The following CHRM1 variants were observed in gnomAD, a reference collection of about 807,000 sequenced individuals.
The protein encoded by CHRM1 is cholinergic receptor muscarinic 1.
CHRM1 carries 5 observed loss-of-function variants against 31.6 expected under a neutral mutation model. That is an observed-to-expected ratio of 0.16 (90% confidence interval 0.08 to 0.33). The LOEUF is 0.33. Among genes scored for constraint, CHRM1 ranks in the 10% least tolerant of loss-of-function variants. The pLI is 1.00. For synonymous variants in CHRM1, 227 were observed against 249.7 expected (o/e 0.91, Z 0.86); for missense variants, 338 against 610.3 (o/e 0.55, Z 4.70).
Position 62,909,457 on chromosome 11 carries a change from C to T in CHRM1, c.*261G>A, listed in dbSNP as rs939876253. On this transcript the variant is annotated 3_prime_UTR_variant, in exon 2 of 2. Transcript: ENST00000306960. ...GAGTCCAAAGCCCGGATCCTCCTCC[C>T]GGGCCTTCTTCCTGGTGAAGAGCGC... 19 of 516,058 alleles carry T rather than the reference C, an allele frequency of 3.7e-5. No homozygotes were observed. The highest frequency in any genetic ancestry group is 2.7e-4 in the Admixed American group (8 of 29,418). The allele number at this position is 516,058 out of a possible 1,614,324, so 32.0% of individuals were successfully genotyped here.
rs1441677970 is a variant in CHRM1, at chr11:62,909,962, G to C, written c.1139C>G (p.Pro380Arg). 6.2e-7 allele frequency: 1 copy of C among 1,614,056 alleles called. No individual in the cohort carries two copies. The highest frequency in any genetic ancestry group is 1.3e-5 in the African/African-American group (1 of 74,932). Reference sequence around the variant, plus strand: ...GGACACCAGCACCATGATGTTGTACGGTGTCCAGGTGAGGATGAAGGCCAG... The same window carrying C: ...GGACACCAGCACCATGATGTTGTACCGTGTCCAGGTGAGGATGAAGGCCAG... ...ILLAFILTWT[P>R]YNIMVLVSTF... The change falls in exon 2 of 2, where the codon CCG becomes CGG. Residue 380 changes from proline (P) to arginine (R), a missense_variant. Physicochemically the swap from Pro to Arg is moderately radical, Grantham distance 103. Coordinates refer to ENST00000306960, the MANE Select transcript of CHRM1 (RefSeq NM_000738.3).
intron 1 of CHRM1, among the ~76,000 whole-genome samples, chr11:62,913,394 G>A (rs1052008707): frequency 3.9e-5 from 6 of 152,156 alleles, no homozygotes; most frequent in Admixed American, 2.0e-4. Context: ...CCTCTTGGCC[G>A]GGTGCGGTGG....
rs976186669 is a variant in CHRM1, at chr11:62,909,982, G to C, written c.1119C>G (p.Ala373=). ...TGTACGGTGTCCAGGTGAGGATGAA[G>C]GCCAGGAGGATGGCACTCAGGGTCC... ...AARTLSAILL[A]FILTWTPYNI... Residue 373 remains alanine, a synonymous_variant, in exon 2 of 2, where the codon GCC becomes GCG. Coordinates refer to ENST00000306960, the MANE Select transcript of CHRM1 (RefSeq NM_000738.3). 1.2e-6 allele frequency: 2 copies of C among 1,614,152 alleles called. No individual in the cohort carries two copies. The highest frequency in any genetic ancestry group is 1.7e-6 in the Non-Finnish European group (2 of 1,180,024).
At chr11:62,913,843 T>G (rs2135044034) in intron 1 of CHRM1, among the ~76,000 whole-genome samples, 1 of 152,202 alleles carries the variant, frequency 6.6e-6, no homozygotes, top group East Asian at 1.9e-4. Context: ...GGATGGCTGT[T>G]GTCTCCATTT....
At chr11:62,919,996 G>T (rs1051526052) in intron 1 of CHRM1, among the ~76,000 whole-genome samples, 3 of 152,044 alleles carry the variant, frequency 2.0e-5, no homozygotes, top group Non-Finnish European at 2.9e-5. Context: ...AACTCCAACC[G>T]CCAGCTGTCA....
chr11:62,909,512 A>C lies in CHRM1; in HGVS notation c.*206T>G. The C allele has an allele frequency of 1.6e-6, 1 of 612,924 alleles. No homozygotes were observed. Among genetic ancestry groups the C allele is most frequent in the Non-Finnish European group, 2.8e-6 (1 of 354,874 alleles). 38.0% of individuals were successfully genotyped at this position (612,924 alleles called of 1,614,324 possible). ...CCACCCAGCAGGGAACAGAAAAACCAGTTCCCCGGGTTTCCCTCCCTGCCT... is the reference window on the plus strand; with the variant it reads ...CCACCCAGCAGGGAACAGAAAAACCCGTTCCCCGGGTTTCCCTCCCTGCCT... On this transcript the variant is annotated 3_prime_UTR_variant, in exon 2 of 2. Transcript: ENST00000306960.
In CHRM1 at chr11:62,909,529, T is replaced by A. The variant is rs754649932; in HGVS notation, c.*189A>T. 8 of 660,330 alleles carry A rather than the reference T, an allele frequency of 1.2e-5. No individual in the cohort carries two copies. The highest frequency in any genetic ancestry group is 2.0e-5 in the Non-Finnish European group (8 of 394,290). The allele number at this position is 660,330 out of a possible 1,614,324, so 40.9% of individuals were successfully genotyped here. A position where few individuals can be genotyped will look rare whatever the true frequency, so the allele number is the denominator to read the frequency against. On this transcript the variant is annotated 3_prime_UTR_variant, in exon 2 of 2. Transcript: ENST00000306960. ...GAAAAACCAGTTCCCCGGGTTTCCC[T>A]CCCTGCCTGGGAATAGCGAAGTCTG... is the stretch of plus-strand genomic sequence containing the variant.
chr11:62,918,504 G>T (rs1001485787), intron 1 of CHRM1: 1 of 152,168 alleles, frequency 6.6e-6, no homozygotes, highest in African/African-American at 2.4e-5. Flanking sequence ...GCTTCCCTGA[G>T]TGAGGCCCTG....
At position 62,909,763 on chromosome 11, in the gene CHRM1, G is replaced by A. The variant is rs1233057636; in HGVS notation, c.1338C>T (p.Pro446=). ...RWDKRRWRKI[P]KRPGSVHRTP... ...TGCGGTGCACGGAGCCAGGGCGCTT[G>A]GGGATCTTGCGCCAGCGTCTCTTGT... The change falls in exon 2 of 2, where the codon CCC becomes CCT. Residue 446 remains proline (P), a synonymous_variant. Transcript: ENST00000306960. 1 of 1,614,016 alleles carries A rather than the reference G, an allele frequency of 6.2e-7. No individual in the cohort carries two copies. Among genetic ancestry groups the A allele is most frequent in the Non-Finnish European group, 8.5e-7 (1 of 1,179,960 alleles).
chr11:62,916,446 G>C (rs768218652), intron 1 of CHRM1, among the ~76,000 whole-genome samples: 3 of 152,186 alleles, frequency 2.0e-5, no homozygotes, highest in Non-Finnish European at 4.4e-5. Flanking sequence ...AATGCTTTCA[G>C]AACAGGGGAC....
intron 1 of CHRM1, among the ~76,000 whole-genome samples, chr11:62,914,019 T>A (rs1411471557): frequency 6.6e-6 from 1 of 151,912 alleles, no homozygotes; most frequent in African/African-American, 2.4e-5. Context: ...CTCGGCTCAC[T>A]GCAACCTCCG....
At chr11:62,917,623 G>C (rs2085907350) in intron 1 of CHRM1, among the ~76,000 whole-genome samples, 1 of 152,122 alleles carries the variant, frequency 6.6e-6, no homozygotes, top group Non-Finnish European at 1.5e-5. Flanking sequence ...AATGGTGGAG[G>C]TGGGTCCATA....
chr11:62,910,359 C>A lies in CHRM1; in HGVS notation c.742G>T (p.Ala248Ser), dbSNP rs1330446378. 1 of 1,609,778 alleles carries A rather than the reference C, an allele frequency of 6.2e-7. No homozygotes were observed. Among genetic ancestry groups the A allele is most frequent in the Non-Finnish European group, 8.5e-7 (1 of 1,179,980 alleles). ...SSSSERSQPG[A>S]EGSPETPPGR... Reference sequence around the variant, plus strand: ...GGAGGAGTCTCTGGTGAGCCCTCAGCCCCTGGCTGAGACCTCTCTGAGCTG... The same window carrying A: ...GGAGGAGTCTCTGGTGAGCCCTCAGACCCTGGCTGAGACCTCTCTGAGCTG... The change falls in exon 2 of 2, where the codon GCT becomes TCT. Residue 248 changes from alanine to serine, a missense_variant. Transcript: ENST00000306960. This position sits in a 1 kb window ranked among gnomAD's most constrained non-coding sequence, Gnocchi z 8.7.
In CHRM1 at chr11:62,909,733, G is replaced by A; in HGVS notation, c.1368C>T (p.Pro456=). The A allele has an allele frequency of 1.2e-6, 2 of 1,613,930 alleles. No individual in the cohort carries two copies. Among genetic ancestry groups the A allele is most frequent in the Non-Finnish European group, 1.7e-6 (2 of 1,179,856 alleles). Residue 456 remains proline, a synonymous_variant, in exon 2 of 2, where the codon CCC becomes CCT. Transcript: ENST00000306960. ...PKRPGSVHRT[P]SRQC is the part of the protein sequence containing the mutation. The stretch of plus-strand genomic sequence containing the variant: ...GAGGGGACTATCAGCATTGGCGGGA[G>A]GGAGTGCGGTGCACGGAGCCAGGGC...
intron 1 of CHRM1, among the ~76,000 whole-genome samples, chr11:62,912,779 T>C (rs1370393219): frequency 3.3e-5 from 5 of 152,202 alleles, no homozygotes; most frequent in Non-Finnish European, 5.9e-5. Context: ...CATCTGACCA[T>C]TGAAGAGGTT....
intron 1 of CHRM1, among the ~76,000 whole-genome samples, chr11:62,919,787 T>C (rs2085921794): frequency 6.6e-6 from 1 of 152,188 alleles, no homozygotes; most frequent in African/African-American, 2.4e-5. Flanking sequence ...AGTGTTGTGC[T>C]GAGGATGCGG....
chr11:62,919,796 G>A (rs1452139120), intron 1 of CHRM1, among the ~76,000 whole-genome samples: 3 of 152,130 alleles, frequency 2.0e-5, no homozygotes, highest in East Asian at 1.9e-4. Context: ...CTGAGGATGC[G>A]GAGAAGGGGT....
chr11:62,910,426 A>G lies in CHRM1; in HGVS notation c.675T>C (p.Leu225=), dbSNP rs1371512011. 1 of 1,613,240 alleles carries G rather than the reference A, an allele frequency of 6.2e-7. No homozygotes were observed. The part of the protein sequence containing the change: ...TENRARELAA[L]QGSETPGKGG... ...CTTTGCCTGGCGTCTCGGAGCCCTGAAGGGCTGCCAGCTCCCGTGCTCGGT... is the reference window on the plus strand; with the variant it reads ...CTTTGCCTGGCGTCTCGGAGCCCTGGAGGGCTGCCAGCTCCCGTGCTCGGT... Residue 225 remains leucine (L), a synonymous_variant, in exon 2 of 2, where the codon CTT becomes CTC. Coordinates refer to ENST00000306960, the MANE Select transcript of CHRM1 (RefSeq NM_000738.3). The surrounding 1 kb of genome is among the most constrained non-coding windows in gnomAD (Gnocchi z 8.7).
intron 1 of CHRM1, chr11:62,918,415 G>C (rs1301823038): frequency 6.6e-6 from 1 of 152,166 alleles, no homozygotes; most frequent in Non-Finnish European, 1.5e-5. Flanking sequence ...GAACCTGTGG[G>C]GGTCAGGACC....
Sources: allele counts gnomAD v4.1 joint callset (sites outside exome capture counted in the v4.1 genomes callset), GRCh38; gene constraint gnomAD v4.1.1; non-coding constraint Gnocchi (gnomAD v3.1); transcripts MANE v1.5; gene names NCBI Gene and HGNC (gene_info 2026-07-23, HGNC 2026-07-21).